The following KLRK1 variants were observed in gnomAD, a reference collection of about 807,000 sequenced individuals.
KLRK1 encodes the protein NKG2-D type II integral membrane protein.
In KLRK1, 40 loss-of-function variants were observed where a neutral mutation model predicts 31.3. That is an observed-to-expected ratio of 1.28 (90% CI 0.99 to 1.67). The LOEUF is 1.67. KLRK1 is among the 40% of genes most tolerant of loss of function. The pLI is 0.00. For synonymous variants in KLRK1, 77 were observed against 77.3 expected (o/e 1.00, Z 0.02); for missense variants, 251 against 260.0 (o/e 0.97, Z 0.24).
At chr12:10,379,841 G>T (rs752946292) in intron 3 of KLRK1, 49 bp from the exon 4 acceptor site, 1 of 1,502,346 alleles carries the variant, frequency 6.7e-7, no homozygotes. Flanking sequence ...TAAAAGGTTT[G>T]GGTATCTTTG....
At chr12:10,379,978 G>T in intron 3 of KLRK1, 186 bp from the exon 4 acceptor site, 1 of 353,118 alleles carries the variant, frequency 2.8e-6, no homozygotes, top group Non-Finnish European at 5.0e-6. Flanking sequence ...GTACAACAAT[G>T]TAATATTTCC....
At chr12:10,381,531 C>T (rs1388705874) in intron 3 of KLRK1, among the ~76,000 whole-genome samples, 1 of 151,960 alleles carries the variant, frequency 6.6e-6, no homozygotes, top group Non-Finnish European at 1.5e-5. Flanking sequence ...TACAGAGAAC[C>T]ACCAAACCAC....
At chr12:10,380,059 GTTTTTTTTTTTT>G (rs1162094591) in intron 3 of KLRK1, among the ~76,000 whole-genome samples, 2 of 83,766 alleles carry the variant, frequency 2.4e-5, no homozygotes, top group African/African-American at 4.6e-5. Context: ...TGTTGTTATT[GTTTTTTTTTTTT>G]TTTTTTTTTT....
At position 10,372,518 on chromosome 12, in the gene KLRK1, G is replaced by A. The variant is rs1862880320; in HGVS notation, c.*596C>T. On this transcript the variant is annotated 3_prime_UTR_variant, in exon 8 of 8. Transcript: ENST00000240618. ...AAGAGAGGAAGAGAAACAGTCATGG[G>A]ACTCAAGCAAGTACAAATCATAGCA... 1.3e-5 allele frequency: 2 copies of A among 152,514 alleles called. No homozygotes were observed. Among genetic ancestry groups the A allele is most frequent in the Admixed American group, 1.3e-4 (2 of 15,220 alleles). 9.4% of individuals were successfully genotyped at this position (152,514 alleles called of 1,614,324 possible). A position where few individuals can be genotyped will look rare whatever the true frequency, so the allele number is the denominator to read the frequency against.
chr12:10,388,690 G>T, intron 2 of KLRK1, 81 bp downstream of exon 2: 1 of 1,537,498 alleles, frequency 6.5e-7, no homozygotes, highest in Non-Finnish European at 9.0e-7. Context: ...GCTTGCCTAT[G>T]CCTTATATGC....
rs369413409 is a variant in KLRK1, at chr12:10,378,606, G to C, written c.377C>G (p.Ser126Cys). The change falls in exon 6 of 8, where the codon TCT becomes TGT. Residue 126 changes from serine (S) to cysteine (C), a missense_variant. By Grantham distance (112) the Ser-to-Cys change is moderately radical (BLOSUM62 -1). Coordinates refer to ENST00000240618, the MANE Select transcript of KLRK1 (RefSeq NM_007360.4). Reference sequence around the variant, plus strand: ...AAGGCTGGCATTTTGAGACATACAAGAAGCCTGGCTCTCATACCAGTTTTT... The same window carrying C: ...AAGGCTGGCATTTTGAGACATACAACAAGCCTGGCTCTCATACCAGTTTTT... ...ESKNWYESQA[S>C]CMSQNASLLK... is the part of the protein sequence containing the mutation. 18 of 1,612,302 alleles carry C rather than the reference G, an allele frequency of 1.1e-5. No homozygotes were observed. The African/African-American group carries it at 1.6e-4, about 14-fold the overall frequency.
intron 3 of KLRK1, chr12:10,382,315 CCAGA>C (rs1863090431): frequency 6.6e-6 from 1 of 152,142 alleles, no homozygotes; most frequent in Admixed American, 6.5e-5. Flanking sequence ...GTTCAAAGCT[CCAGA>C]CAAAGTGAGA....
chr12:10,376,403 A>G (rs747805011), intron 7 of KLRK1, among the ~76,000 whole-genome samples: 5 of 152,178 alleles, frequency 3.3e-5, no homozygotes, highest in Non-Finnish European at 5.9e-5. Flanking sequence ...AAAATTCACA[A>G]ATGTTGAAAA....
rs371216346 is a variant in KLRK1, at chr12:10,380,361, G to A, written c.149-569C>T. 1.6e-4 allele frequency among the ~76,000 whole-genome samples: 24 copies of A among 152,204 alleles called. 1 individual carries two copies. The highest frequency in any genetic ancestry group is 9.7e-4 in the East Asian group (5 of 5,180). ...ATTACAGGCGTGAGCCACCGCACCC[G>A]GCCGTGATTTATTATTTTTATGCAG... On this transcript the variant is annotated intron_variant, in intron 3 of 7. Transcript: ENST00000240618.
chr12:10,376,359 A>G (rs1862965705), intron 7 of KLRK1, among the ~76,000 whole-genome samples: 1 of 152,228 alleles, frequency 6.6e-6, no homozygotes, highest in South Asian at 2.1e-4. Flanking sequence ...ATGAAAATGA[A>G]ATTAAATTAG....
intron 3 of KLRK1, among the ~76,000 whole-genome samples, chr12:10,382,492 C>T (rs922663204): frequency 2.0e-5 from 3 of 152,066 alleles, no homozygotes; most frequent in Admixed American, 2.0e-4. Flanking sequence ...CCGTACCCAG[C>T]AAAACTATCG....
At chr12:10,379,579 G>T in intron 4 of KLRK1, 97 bp from the exon 5 acceptor site, 1 of 1,316,800 alleles carries the variant, frequency 7.6e-7, no homozygotes, top group Non-Finnish European at 1.0e-6. Context: ...TAGCAAAAAT[G>T]TGACAAAGAT....
chr12:10,375,467 A>T (rs1862947085), intron 7 of KLRK1, among the ~76,000 whole-genome samples: 2 of 152,214 alleles, frequency 1.3e-5, no homozygotes, highest in Admixed American at 1.3e-4. Context: ...ATGAAAGGAT[A>T]CATTTAAGTG....
intron 3 of KLRK1, among the ~76,000 whole-genome samples, chr12:10,385,723 T>C (rs1863156079): frequency 6.6e-6 from 1 of 151,922 alleles, no homozygotes; most frequent in African/African-American, 2.4e-5. Context: ...TAAGAGTAAT[T>C]TATTGTATAT....
In KLRK1 at chr12:10,378,175, C is replaced by T. The variant is rs1434951875; in HGVS notation, c.490G>A (p.Gly164Arg). The T allele has an allele frequency of 5.0e-6, 8 of 1,614,018 alleles. No individual in the cohort carries two copies. The highest frequency in any genetic ancestry group is 5.9e-6 in the Non-Finnish European group (7 of 1,180,000). Reference protein sequence around the residue: ...WMGLVHIPTNGSWQWEDGSIL... With the variant: ...WMGLVHIPTNRSWQWEDGSIL... Reference sequence around the variant, plus strand: ...GAGCCATCTTCCCACTGCCAAGATCCATTTGTTGGAATGTGTACTAGTCCC... The same window carrying T: ...GAGCCATCTTCCCACTGCCAAGATCTATTTGTTGGAATGTGTACTAGTCCC... Residue 164 changes from glycine to arginine, a missense_variant, in exon 7 of 8, where the codon GGA (glycine) becomes AGA (arginine). Gly to Arg is a moderately radical substitution (Grantham distance 125, BLOSUM62 -2). Transcript: ENST00000240618.
In KLRK1 at chr12:10,378,190, G is replaced by A; in HGVS notation, c.475C>T (p.His159Tyr). ...VKSYHWMGLVHIPTNGSWQWE... is the reference protein window; with the variant it reads ...VKSYHWMGLVYIPTNGSWQWE... ...TGCCAAGATCCATTTGTTGGAATGT[G>A]TACTAGTCCCATCCAATGATATGAC... Residue 159 changes from histidine (H) to tyrosine (Y), a missense_variant, in exon 7 of 8, where the codon CAC (histidine) becomes TAC (tyrosine). Transcript: ENST00000240618. 1 of 1,614,080 alleles carries A rather than the reference G, an allele frequency of 6.2e-7. No homozygotes were observed. The highest frequency in any genetic ancestry group is 2.2e-5 in the East Asian group (1 of 44,862).
At chr12:10,384,046 A>T (rs1453714732) in intron 3 of KLRK1, among the ~76,000 whole-genome samples, 2 of 152,064 alleles carry the variant, frequency 1.3e-5, no homozygotes, top group African/African-American at 2.4e-5. Flanking sequence ...GAATAAATTT[A>T]ATCACACAAG....
At chr12:10,381,308 T>A (rs948534610) in intron 3 of KLRK1, among the ~76,000 whole-genome samples, 3 of 151,670 alleles carry the variant, frequency 2.0e-5, no homozygotes, top group Non-Finnish European at 4.4e-5. Context: ...AGCGAAACTA[T>A]CCTTTAGAAA....
At chr12:10,376,165 G>T (rs1168031856) in intron 7 of KLRK1, among the ~76,000 whole-genome samples, 1 of 152,094 alleles carries the variant, frequency 6.6e-6, no homozygotes, top group African/African-American at 2.4e-5. Flanking sequence ...TATTTTGCCT[G>T]TTTCTACCAG....
Sources: gnomAD v4.1 joint callset for allele counts (sites outside exome capture counted in the v4.1 genomes callset) on GRCh38, gnomAD v4.1.1 for gene constraint, MANE v1.5 for transcripts, NCBI Gene and HGNC (gene_info 2026-07-23, HGNC 2026-07-21) for gene names.